The following FLYWCH1 variants were observed in gnomAD, a reference collection of about 807,000 sequenced individuals.
FLYWCH1 encodes the protein FLYWCH-type zinc finger 1, also known as FLYWCH-type zinc finger-containing protein 1.
A neutral mutation model predicts 66.4 loss-of-function variants in FLYWCH1; 75 were observed. The observed-to-expected ratio is 1.13, with a 90% confidence interval of 0.94 to 1.37. The LOEUF is 1.37. Ranked by LOEUF, FLYWCH1 falls within the 40% of genes most tolerant of loss-of-function variation. The probability of loss-of-function intolerance (pLI) is 0.00; values close to 1 mark genes in which losing one functional copy is unlikely to be tolerated. For missense variants in FLYWCH1, 1,334 were observed against 1,001.8 expected, an observed-to-expected ratio of 1.33 and a Z score of -4.48; for synonymous variants, 595 against 429.9, an observed-to-expected ratio of 1.38 and a Z score of -4.75.
chr16:2,944,342 A>G (rs12051299), intron 9 of FLYWCH1, among the ~76,000 whole-genome samples: 42,366 of 148,594 alleles, frequency 0.29, 6,144 homozygotes, highest in Admixed American at 0.31. Flanking sequence ...GTGAGCCGAG[A>G]TTGTGCCATT....
chr16:2,933,136 C>G lies in FLYWCH1; in HGVS notation c.803C>G (p.Ala268Gly). ...ACTTGGGTCTCTCCTCTAGGACAGGCCCGGCCCCTCGAGTTCCTGAGGACG... is the reference window on the plus strand; with the variant it reads ...ACTTGGGTCTCTCCTCTAGGACAGGGCCGGCCCCTCGAGTTCCTGAGGACG... ...KKRSILGLGQ[A>G]RPLEFLRTCY... Residue 268 changes from alanine (A) to glycine (G), a missense_variant, in exon 5 of 10, where the codon GCC becomes GGC. Physicochemically the swap from Ala to Gly is moderately conservative, Grantham distance 60 (BLOSUM62 0). Transcript: ENST00000253928. 4.3e-6 allele frequency: 7 copies of G among 1,612,554 alleles called. No individual in the cohort carries two copies. Among genetic ancestry groups the G allele is most frequent in the Non-Finnish European group, 5.9e-6 (7 of 1,179,258 alleles).
chr16:2,946,316 C>CTTTTTTTTTTTTT, intron 9 of FLYWCH1, among the ~76,000 whole-genome samples: 1 of 75,532 alleles, frequency 1.3e-5, no homozygotes, highest in Non-Finnish European at 2.4e-5. Flanking sequence ...GTGGGCTGTA[C>CTTTTTTTTTTTTT]TTTTTTTTTT....
In FLYWCH1 at chr16:2,930,455, G is replaced by T. The variant is rs989578520; in HGVS notation, c.371G>T (p.Arg124Leu). 4 of 1,499,214 alleles carry T rather than the reference G, an allele frequency of 2.7e-6. 1 individual carries two copies. The highest frequency in any genetic ancestry group is 1.8e-6 in the Non-Finnish European group (2 of 1,126,420). The allele number at this position is 1,499,214 out of a possible 1,614,324, so 92.9% of individuals were successfully genotyped here. Reference sequence around the variant, plus strand: ...TTCCTGAGGACACCATTCGGGGGCCGCCTCCTGGTGCTGGAGTCCTTCCTG... The same window carrying T: ...TTCCTGAGGACACCATTCGGGGGCCTCCTCCTGGTGCTGGAGTCCTTCCTG... The part of the protein sequence containing the change: ...LEFLRTPFGG[R>L]LLVLESFLYK... The change falls in exon 4 of 10, where the codon CGC becomes CTC. Residue 124 changes from arginine (R) to leucine (L), a missense_variant. Physicochemically the swap from Arg to Leu is moderately radical, Grantham distance 102. Coordinates refer to ENST00000253928, the MANE Select transcript of FLYWCH1 (RefSeq NM_001308068.2).
At chr16:2,939,202 T>C (rs1199168105) in intron 8 of FLYWCH1, among the ~76,000 whole-genome samples, 5 of 152,106 alleles carry the variant, frequency 3.3e-5, no homozygotes, top group Admixed American at 3.3e-4. Flanking sequence ...TCCCAGCACT[T>C]TGGGAGGCTG....
intron 9 of FLYWCH1, among the ~76,000 whole-genome samples, chr16:2,943,873 G>C (rs1474058713): frequency 2.0e-5 from 3 of 152,052 alleles, no homozygotes; most frequent in Non-Finnish European, 4.4e-5. Context: ...GGAGGTGGAG[G>C]TTGCAGTGAG....
chr16:2,930,874 G>C lies in FLYWCH1; in HGVS notation c.790G>C (p.Gly264Arg). 6.3e-7 allele frequency: 1 copy of C among 1,589,684 alleles called. No homozygotes were observed. Among genetic ancestry groups the C allele is most frequent in the Non-Finnish European group, 8.5e-7 (1 of 1,173,108 alleles). Reference protein sequence around the residue: ...SLPPKKRSILGLGQARPLEFL... With the variant: ...SLPPKKRSILRLGQARPLEFL... ...GCCGCCCAAGAAGCGCTCGATCCTG[G>C]GGCTGGGTGAGTACAATCCACTCCC... Residue 264 changes from glycine (G) to arginine (R), a missense_variant, in exon 4 of 10, where the codon GGG (glycine) becomes CGG (arginine). Physicochemically the swap from Gly to Arg is moderately radical, Grantham distance 125. Transcript: ENST00000253928.
At chr16:2,918,833 G>A (rs757475724) in intron 2 of FLYWCH1, among the ~76,000 whole-genome samples, 1 of 152,228 alleles carries the variant, frequency 6.6e-6, no homozygotes, top group Non-Finnish European at 1.5e-5. Context: ...GGAAAGACCA[G>A]TGGATTGAGG....
intron 9 of FLYWCH1, among the ~76,000 whole-genome samples, chr16:2,940,545 C>G (rs1225302818): frequency 2.1e-4 from 32 of 152,182 alleles, no homozygotes; most frequent in Non-Finnish European, 1.3e-4. Flanking sequence ...AAGCAATTCT[C>G]CTGTCTCAGC....
At position 2,948,987 on chromosome 16, in the gene FLYWCH1, T is replaced by C. The variant is rs530747107; in HGVS notation, c.*260T>C. 6.8e-4 allele frequency: 345 copies of C among 506,362 alleles called. No homozygotes were observed. The highest frequency in any genetic ancestry group is 5.5e-3 in the African/African-American group (285 of 51,698). 31.4% of individuals were successfully genotyped at this position (506,362 alleles called of 1,614,324 possible). On this transcript the variant is annotated 3_prime_UTR_variant, in exon 10 of 10. Coordinates refer to ENST00000253928, the MANE Select transcript of FLYWCH1 (RefSeq NM_001308068.2). ...CAGGGCGGTGGCGCCTTCCTGACCT[T>C]TGGAAGACATGACAAAGCTGCCTGG...
chr16:2,926,313 C>T (rs976460981), intron 2 of FLYWCH1, among the ~76,000 whole-genome samples: 7 of 152,224 alleles, frequency 4.6e-5, no homozygotes, highest in African/African-American at 1.4e-4. Context: ...AATCATCCCA[C>T]TTACAGTATG....
intron 2 of FLYWCH1, among the ~76,000 whole-genome samples, chr16:2,924,717 G>A (rs968066542): frequency 6.6e-6 from 1 of 152,308 alleles, no homozygotes; most frequent in South Asian, 2.1e-4. Flanking sequence ...GGTTGCTGAG[G>A]GGCCTGTGGA....
Position 2,929,719 on chromosome 16 carries a change from G to C in FLYWCH1, c.34G>C (p.Glu12Gln). The C allele has an allele frequency of 6.2e-7, 1 of 1,613,360 alleles. No individual in the cohort carries two copies. Among genetic ancestry groups the C allele is most frequent in the Non-Finnish European group, 8.5e-7 (1 of 1,179,722 alleles). The stretch of plus-strand genomic sequence containing the variant: ...GCCCGAGCCCAGCGAGCAGGAGGGC[G>C]AGAGTGTGAAGGCCGGCCAGGAGCC... ...PLPEPSEQEG[E>Q]SVKAGQEPSP... is the part of the protein sequence containing the mutation. The change falls in exon 3 of 10, where the codon GAG becomes CAG. Residue 12 changes from glutamate (E) to glutamine (Q), a missense_variant. Transcript: ENST00000253928.
intron 9 of FLYWCH1, among the ~76,000 whole-genome samples, chr16:2,947,564 C>T (rs187573750): frequency 1.3e-5 from 2 of 152,176 alleles, no homozygotes; most frequent in East Asian, 1.9e-4. Flanking sequence ...AGTTTGAGAC[C>T]AGCCTGGCCA....
At chr16:2,930,058 C>T (rs781096530) in intron 3 of FLYWCH1, 48 bp downstream of exon 3, 36 of 1,520,592 alleles carry the variant, frequency 2.4e-5, no homozygotes, top group African/African-American at 4.1e-5. Flanking sequence ...TGGGTTCCAG[C>T]GCTCCCAGCA....
At chr16:2,924,142 A>G (rs1416296425) in intron 2 of FLYWCH1, among the ~76,000 whole-genome samples, 2 of 152,124 alleles carry the variant, frequency 1.3e-5, no homozygotes, top group Non-Finnish European at 2.9e-5. Context: ...CATCCTGGCT[A>G]ACACGGTGAA....
chr16:2,939,540 G>GGCCAACATGGTGAAACCT (rs2071172650), intron 8 of FLYWCH1, among the ~76,000 whole-genome samples: 1 of 148,466 alleles, frequency 6.7e-6, no homozygotes, highest in Non-Finnish European at 1.5e-5. Flanking sequence ...GTGAAACCCT[G>GGCCAACATGGTGAAACCT]TCTCTAAAAA....
In FLYWCH1 at chr16:2,916,505, C is replaced by T. The variant is rs2070172565; in HGVS notation, c.-74+2216C>T. On this transcript the variant is annotated intron_variant, in intron 2 of 9. Transcript: ENST00000253928. ...ACAAAAAATTATCCAGGCCTGGTGG[C>T]AGGTGCCTGTAGTCTCAGCTACTCT... is the stretch of plus-strand genomic sequence containing the variant. Among the ~76,000 whole-genome samples the T allele has an allele frequency of 1.3e-5, 2 of 151,862 alleles. 1 individual carries two copies. The highest frequency in any genetic ancestry group is 4.2e-4 in the South Asian group (2 of 4,808).
intron 7 of FLYWCH1, 72 bp from the exon 8 acceptor site, chr16:2,938,111 GA>G: frequency 2.1e-6 from 3 of 1,451,140 alleles, no homozygotes; most frequent in African/African-American, 1.4e-5. Context: ...CTGGCTGGGG[GA>G]TACAAATCAG....
At position 2,933,764 on chromosome 16, in the gene FLYWCH1, A is replaced by G; in HGVS notation, c.1298A>G (p.Tyr433Cys). 6.2e-7 allele frequency: 1 copy of G among 1,613,180 alleles called. No individual in the cohort carries two copies. The highest frequency in any genetic ancestry group is 8.5e-7 in the Non-Finnish European group (1 of 1,179,618). ...CCCCTGGGGGGCAGCTTCCTGGTGT[A>G]CGAGTCCTTCCTCTACCGGCGGGAG... ...KTPLGGSFLV[Y>C]ESFLYRREKA... The change falls in exon 6 of 10, where the codon TAC becomes TGC. Residue 433 changes from tyrosine (Y) to cysteine (C), a missense_variant. Tyr to Cys is a radical substitution (Grantham distance 194). Transcript: ENST00000253928.
Sources: gnomAD v4.1 joint callset for allele counts (sites outside exome capture counted in the v4.1 genomes callset) on GRCh38, gnomAD v4.1.1 for gene constraint, MANE v1.5 for transcripts, NCBI Gene and HGNC (gene_info 2026-07-23, HGNC 2026-07-21) for gene names.